The following IQCF3 variants were observed in gnomAD, a reference collection of about 807,000 sequenced individuals.
The protein encoded by IQCF3 is IQ domain-containing protein F3.
In IQCF3, 7 loss-of-function variants were observed where a neutral mutation model predicts 5.1. That is an observed-to-expected ratio of 1.36 (90% confidence interval 0.78 to 2.56). IQCF3 has a LOEUF of 2.56. Among genes scored for constraint, IQCF3 ranks in the 30% most tolerant of loss-of-function variants. The probability of loss-of-function intolerance (pLI) is 0.00; values close to 1 mark genes in which losing one functional copy is unlikely to be tolerated. For synonymous variants in IQCF3, 82 were observed against 72.8 expected (o/e 1.13, Z -0.64); for missense variants, 189 against 196.5 (o/e 0.96, Z 0.23).
At chr3:51,829,634 A>T (rs1466993576) in intron 1 of IQCF3, 31 bp from the exon 2 acceptor site, 3 of 1,612,372 alleles carry the variant, frequency 1.9e-6, no homozygotes, top group Non-Finnish European at 2.5e-6. Flanking sequence ...GTCCTCACCC[A>T]TGCTCCCCCA....
upstream of IQCF3, among the ~76,000 whole-genome samples, chr3:51,829,069 G>A (rs544769275): frequency 1.3e-5 from 2 of 152,226 alleles, no homozygotes; most frequent in Non-Finnish European, 2.9e-5. Context: ...AATGTAAAAG[G>A]TAGACCAGAA....
chr3:51,829,674 C>T lies in IQCF3; in HGVS notation c.28C>T (p.Pro10Ser), dbSNP rs146326208. Residue 10 changes from proline (P) to serine (S), a missense_variant, in exon 2 of 3, where the codon CCA (proline) becomes TCA (serine). By Grantham distance (74) the Pro-to-Ser change is moderately conservative. Transcript: ENST00000440739. MGSKCCKGG[P>S]DEDAVERQRR... is the part of the protein sequence containing the mutation. ...CATATTCCGATTGCAGAAAGGTGGT[C>T]CAGATGAAGATGCAGTAGAAAGACA... 3 of 1,613,680 alleles carry T rather than the reference C, an allele frequency of 1.9e-6. No homozygotes were observed. The African/African-American group carries it at 4.0e-5, about 22-fold the overall frequency.
upstream of IQCF3, among the ~76,000 whole-genome samples, chr3:51,827,688 G>T (rs1577606647): frequency 6.6e-6 from 1 of 151,724 alleles, no homozygotes; most frequent in East Asian, 1.9e-4. Flanking sequence ...TAGGTTCAGG[G>T]GTATATGTGT....
Position 51,829,705 on chromosome 3 carries a change from G to A in IQCF3, c.59G>A (p.Arg20Gln), listed in dbSNP as rs781398221. Residue 20 changes from arginine (R) to glutamine (Q), a missense_variant, in exon 2 of 3, where the codon CGG becomes CAG. Coordinates refer to ENST00000440739, the MANE Select transcript of IQCF3 (RefSeq NM_001393887.1). Reference sequence around the variant, plus strand: ...GAAGATGCAGTAGAAAGACAGAGGCGGCAGAAGGTAGGTGGGGCCCAGGAG... The same window carrying A: ...GAAGATGCAGTAGAAAGACAGAGGCAGCAGAAGGTAGGTGGGGCCCAGGAG... ...PDEDAVERQR[R>Q]QKLLLAQLHH... 53 of 1,613,738 alleles carry A rather than the reference G, an allele frequency of 3.3e-5. No homozygotes were observed. The highest frequency in any genetic ancestry group is 1.6e-4 in the Middle Eastern group (1 of 6,062).
chr3:51,829,305 A>C (rs1425928050), upstream of IQCF3: 1 of 676,086 alleles, frequency 1.5e-6, no homozygotes, highest in African/African-American at 1.8e-5. Flanking sequence ...CAGGAGAGCC[A>C]GGTATTTTCT....
chr3:51,829,865 G>A (rs1391646461), intron 2 of IQCF3, 153 bp downstream of exon 2: 5 of 743,770 alleles, frequency 6.7e-6, no homozygotes, highest in Non-Finnish European at 1.1e-5. Context: ...TATGGAGATA[G>A]ACAGTAAAAG....
chr3:51,826,940 G>A (rs544248149), upstream of IQCF3: 33 of 152,672 alleles, frequency 2.2e-4, no homozygotes, highest in African/African-American at 7.9e-4. Flanking sequence ...GTAAGTAGGA[G>A]AGTCCTCACA....
chr3:51,829,627 C>T (rs757460164), intron 1 of IQCF3, 38 bp from the exon 2 acceptor site: 1 of 1,611,318 alleles, frequency 6.2e-7, no homozygotes, highest in Non-Finnish European at 8.5e-7. Flanking sequence ...CAGGCTGGTC[C>T]TCACCCATGC....
At chr3:51,829,870 TA>T in intron 2 of IQCF3, 158 bp downstream of exon 2, 1 of 718,412 alleles carries the variant, frequency 1.4e-6, no homozygotes. Flanking sequence ...AGATAGACAG[TA>T]AAAGGGGAGG....
chr3:51,827,314 G>C (rs1365882302), upstream of IQCF3: 1 of 152,086 alleles, frequency 6.6e-6, no homozygotes, highest in Admixed American at 6.5e-5. Context: ...GATGGGAACA[G>C]GTAAATCTTC....
At position 51,830,589 on chromosome 3, in the gene IQCF3, G is replaced by A. The variant is rs2107195297; in HGVS notation, c.253G>A (p.Val85Ile). 1 of 1,613,948 alleles carries A rather than the reference G, an allele frequency of 6.2e-7. No individual in the cohort carries two copies. The highest frequency in any genetic ancestry group is 8.5e-7 in the Non-Finnish European group (1 of 1,179,844). ...TCAGCGGCGGCAGGCCCTGTTGAGG[G>A]TCTACGTCATCCAGGAGCAGGCGAC... ...IRQRRQALLR[V>I]YVIQEQATVK... The change falls in exon 3 of 3, where the codon GTC becomes ATC. Residue 85 changes from valine (V) to isoleucine (I), a missense_variant. Physicochemically the swap from Val to Ile is conservative, Grantham distance 29. Transcript: ENST00000440739. This position sits in a 1 kb window ranked among gnomAD's most constrained non-coding sequence, Gnocchi z 4.1.
chr3:51,830,393 G>C lies in IQCF3; in HGVS notation c.67-10G>C. On this transcript the variant is annotated splice_polypyrimidine_tract_variant and intron_variant, in intron 2 of 2. Transcript: ENST00000440739. This position sits in a 1 kb window ranked among gnomAD's most constrained non-coding sequence, Gnocchi z 4.1. ...AAATTCACTGGGAGTCCTCTGCTTT[G>C]CTTGGCCAGTTGCTTCTTGCACAAC... 1.3e-6 allele frequency: 2 copies of C among 1,527,550 alleles called. No individual in the cohort carries two copies. The highest frequency in any genetic ancestry group is 1.8e-6 in the Non-Finnish European group (2 of 1,139,564). The allele number at this position is 1,527,550 out of a possible 1,614,324, so 94.6% of individuals were successfully genotyped here.
Position 51,829,714 on chromosome 3 carries a change from T to G in IQCF3, c.66+2T>G, listed in dbSNP as rs1577607866. ...GTAGAAAGACAGAGGCGGCAGAAGGTAGGTGGGGCCCAGGAGGGTGAGAGA... is the reference window on the plus strand; with the variant it reads ...GTAGAAAGACAGAGGCGGCAGAAGGGAGGTGGGGCCCAGGAGGGTGAGAGA... On this transcript the variant is annotated splice_donor_variant, in intron 2 of 2. Coordinates refer to ENST00000440739, the MANE Select transcript of IQCF3 (RefSeq NM_001393887.1). LOFTEE classifies it high-confidence loss of function. 1.2e-6 allele frequency: 2 copies of G among 1,613,490 alleles called. No homozygotes were observed. Among genetic ancestry groups the G allele is most frequent in the East Asian group, 2.2e-5 (1 of 44,872 alleles).
rs1381709703 is a variant in IQCF3 at position 51,830,849 on chromosome 3, G to A, written c.*48G>A. On this transcript the variant is annotated 3_prime_UTR_variant, in exon 3 of 3. Transcript: ENST00000440739. This position sits in a 1 kb window ranked among gnomAD's most constrained non-coding sequence, Gnocchi z 4.1. ...GGCTGCACTACCCTAATAAATGTCT[G>A]ACCAGGTTGTGTGAGTCTCAGTGAT... 2.7e-6 allele frequency: 4 copies of A among 1,506,504 alleles called. No homozygotes were observed. Among genetic ancestry groups the A allele is most frequent in the African/African-American group, 1.4e-5 (1 of 71,720 alleles). 93.3% of individuals were successfully genotyped at this position (1,506,504 alleles called of 1,614,324 possible). A position where few individuals can be genotyped will look rare whatever the true frequency, so the allele number is the denominator to read the frequency against.
rs1395567973 is a variant in IQCF3, at chr3:51,829,683, G to T, written c.37G>T (p.Asp13Tyr). 5 of 1,613,774 alleles carry T rather than the reference G, an allele frequency of 3.1e-6. No individual in the cohort carries two copies. Among genetic ancestry groups the T allele is most frequent in the Non-Finnish European group, 4.2e-6 (5 of 1,179,862 alleles). Residue 13 changes from aspartate to tyrosine, a missense_variant, in exon 2 of 3, where the codon GAT (aspartate) becomes TAT (tyrosine). By Grantham distance (160) the Asp-to-Tyr change is radical. Transcript: ENST00000440739. ...ATTGCAGAAAGGTGGTCCAGATGAA[G>T]ATGCAGTAGAAAGACAGAGGCGGCA... ...SKCCKGGPDE[D>Y]AVERQRRQKL...
Position 51,829,717 on chromosome 3 carries a change from G to T in IQCF3, c.66+5G>T, listed in dbSNP as rs773325520. On this transcript the variant is annotated splice_donor_5th_base_variant and intron_variant, in intron 2 of 2. Coordinates refer to ENST00000440739, the MANE Select transcript of IQCF3 (RefSeq NM_001393887.1). Reference sequence around the variant, plus strand: ...GAAAGACAGAGGCGGCAGAAGGTAGGTGGGGCCCAGGAGGGTGAGAGAATT... The same window carrying T: ...GAAAGACAGAGGCGGCAGAAGGTAGTTGGGGCCCAGGAGGGTGAGAGAATT... 70 of 1,613,512 alleles carry T rather than the reference G, an allele frequency of 4.3e-5. No individual in the cohort carries two copies. The highest frequency in any genetic ancestry group is 5.8e-5 in the Non-Finnish European group (69 of 1,179,716).
upstream of IQCF3, chr3:51,827,193 T>A (rs1341772263): frequency 6.6e-6 from 1 of 152,132 alleles, no homozygotes; most frequent in Non-Finnish European, 1.5e-5. Flanking sequence ...GTCACAGCAA[T>A]ATGCCATGTT....
upstream of IQCF3, chr3:51,827,188 A>C (rs1357732210): frequency 6.6e-6 from 1 of 152,224 alleles, no homozygotes; most frequent in African/African-American, 2.4e-5. Flanking sequence ...GCTATGTCAC[A>C]GCAATATGCC....
upstream of IQCF3, chr3:51,829,251 T>C (rs549346292): frequency 3.4e-6 from 2 of 583,962 alleles, no homozygotes; most frequent in South Asian, 4.4e-5. Context: ...AGAAATGATA[T>C]TTGCACAATT....
Sources: allele counts gnomAD v4.1 joint callset (sites outside exome capture counted in the v4.1 genomes callset), GRCh38; gene constraint gnomAD v4.1.1; non-coding constraint Gnocchi (gnomAD v3.1); transcripts MANE v1.5; gene names NCBI Gene and HGNC (gene_info 2026-07-23, HGNC 2026-07-21).